The following PDSS2 variants were observed in gnomAD, a reference collection of about 807,000 sequenced individuals.
PDSS2 encodes all trans-polyprenyl-diphosphate synthase PDSS2.
PDSS2 carries 31 observed loss-of-function variants against 44.5 expected under a neutral mutation model. The observed-to-expected ratio is 0.70, with a 90% CI of 0.52 to 0.94. PDSS2 has a LOEUF of 0.94. Ranked by LOEUF, PDSS2 falls within the 40% of genes least tolerant of loss-of-function variation. The pLI is 0.00. For missense variants in PDSS2, 452 were observed against 482.2 expected, an observed-to-expected ratio of 0.94 and a Z score of 0.59; for synonymous variants, 157 against 180.3, an observed-to-expected ratio of 0.87 and a Z score of 1.03.
chr6:107,340,605 A>G (rs1778050843), intron 1 of PDSS2, among the ~76,000 whole-genome samples: 1 of 152,240 alleles, frequency 6.6e-6, no homozygotes, highest in Non-Finnish European at 1.5e-5. Context: ...GTTAAATTGA[A>G]TAATACAAGG....
intron 7 of PDSS2, among the ~76,000 whole-genome samples, chr6:107,171,639 T>C (rs1376184450): frequency 2.0e-5 from 3 of 152,032 alleles, no homozygotes; most frequent in Non-Finnish European, 4.4e-5. Flanking sequence ...GCCTTCCGAG[T>C]AGCTAGGGCT....
intron 1 of PDSS2, among the ~76,000 whole-genome samples, chr6:107,382,132 C>G (rs913836158): frequency 1.3e-5 from 2 of 152,234 alleles, no homozygotes; most frequent in Non-Finnish European, 2.9e-5. Context: ...TTTTCTCCAA[C>G]TAGAATATAA....
At position 107,377,192 on chromosome 6, in the gene PDSS2, G is replaced by GA. The variant is rs1404899354; in HGVS notation, c.297-42861dup. Reference sequence around the variant, plus strand: ...ACAATGAACTCCAACAAATTTACAAGAAAAAAACAAACAACCCCATCAAAA... The same window carrying GA: ...ACAATGAACTCCAACAAATTTACAAGAAAAAAAACAAACAACCCCATCAAAA... On this transcript the variant is annotated intron_variant, in intron 1 of 7. Coordinates refer to ENST00000369037, the MANE Select transcript of PDSS2 (RefSeq NM_020381.4). Among the ~76,000 whole-genome samples the GA allele has an allele frequency of 2.7e-5, 4 of 149,154 alleles. No homozygotes were observed. The East Asian group carries it at 8.2e-4, about 31-fold the overall frequency.
intron 7 of PDSS2, among the ~76,000 whole-genome samples, chr6:107,159,208 T>C (rs1554246268): frequency 6.7e-6 from 1 of 150,308 alleles, no homozygotes; most frequent in African/African-American, 2.5e-5. Flanking sequence ...CCCACCAAGA[T>C]CAAGTCTATT....
chr6:107,459,084 T>A lies in PDSS2; in HGVS notation c.202A>T (p.Ser68Cys), dbSNP rs768846122. The change falls in exon 1 of 8, where the codon AGC becomes TGC. Residue 68 changes from serine to cysteine, a missense_variant. Transcript: ENST00000369037. This position sits in a 1 kb window ranked among gnomAD's most constrained non-coding sequence, Gnocchi z 4.3. ...KIVGYPTSFM[S>C]LRCLLSDELS... Reference sequence around the variant, plus strand: ...TCGTCGCTCAGCAGGCAGCGAAGGCTCATGAAGGACGTGGGGTACCCCACG... The same window carrying A: ...TCGTCGCTCAGCAGGCAGCGAAGGCACATGAAGGACGTGGGGTACCCCACG... The A allele has an allele frequency of 1.9e-6, 3 of 1,614,002 alleles. No individual in the cohort carries two copies. The East Asian group carries it at 6.7e-5, about 36-fold the overall frequency.
rs142121038 is a variant in PDSS2, at chr6:107,350,188, C to T, written c.297-15856G>A. Among the ~76,000 whole-genome samples the T allele has an allele frequency of 4.6e-5, 7 of 152,250 alleles. No homozygotes were observed. In the East Asian group the frequency reaches 5.8e-4, roughly 13 times the overall value. On this transcript the variant is annotated intron_variant, in intron 1 of 7. Coordinates refer to ENST00000369037, the MANE Select transcript of PDSS2 (RefSeq NM_020381.4). ...CATGACAGCAGATTTCCACTTTGGC[C>T]GTCTGAGTAAGGTGATGTCTACCAG...
chr6:107,346,270 A>G (rs1396664950), intron 1 of PDSS2, among the ~76,000 whole-genome samples: 1 of 152,178 alleles, frequency 6.6e-6, no homozygotes, highest in Non-Finnish European at 1.5e-5. Flanking sequence ...CTCATTTACC[A>G]AATTGCCAGG....
At chr6:107,450,576 A>G (rs1015262870) in intron 1 of PDSS2, among the ~76,000 whole-genome samples, 1 of 152,218 alleles carries the variant, frequency 6.6e-6, no homozygotes, top group Non-Finnish European at 1.5e-5. Context: ...TTCCTCTAGA[A>G]AGAACACACA....
chr6:107,360,738 G>T (rs1778746835), intron 1 of PDSS2, among the ~76,000 whole-genome samples: 1 of 152,192 alleles, frequency 6.6e-6, no homozygotes, highest in African/African-American at 2.4e-5. Flanking sequence ...GAAGAGAGCG[G>T]TCTGTGTTTT....
At chr6:107,251,825 CTT>C (rs1252853120) in intron 3 of PDSS2, among the ~76,000 whole-genome samples, 6 of 152,094 alleles carry the variant, frequency 3.9e-5, no homozygotes, top group African/African-American at 1.2e-4. Flanking sequence ...TGGTGTCACT[CTT>C]TACTTCATAA....
intron 1 of PDSS2, among the ~76,000 whole-genome samples, chr6:107,353,585 C>T (rs1255982402): frequency 1.3e-5 from 2 of 151,926 alleles, no homozygotes; most frequent in Non-Finnish European, 2.9e-5. Context: ...CCTCTTCAGC[C>T]TTCTTTTGCT....
At chr6:107,176,270 G>T (rs750939464) in intron 7 of PDSS2, among the ~76,000 whole-genome samples, 2 of 152,162 alleles carry the variant, frequency 1.3e-5, no homozygotes, top group South Asian at 2.1e-4. Flanking sequence ...TCAAACTCCC[G>T]ACCTCAGGTG....
At chr6:107,329,651 T>C (rs1454572273) in intron 2 of PDSS2, among the ~76,000 whole-genome samples, 1 of 152,204 alleles carries the variant, frequency 6.6e-6, no homozygotes, top group Non-Finnish European at 1.5e-5. Flanking sequence ...TGTGAGGTAC[T>C]AGGGGTTAGG....
chr6:107,255,887 CAAGAT>C (rs1449234721), intron 3 of PDSS2, among the ~76,000 whole-genome samples: 1 of 152,048 alleles, frequency 6.6e-6, no homozygotes, highest in African/African-American at 2.4e-5. Context: ...AACAGAGAGG[CAAGAT>C]AAAACAGAAT....
intron 2 of PDSS2, among the ~76,000 whole-genome samples, chr6:107,304,392 C>G (rs189983104): frequency 6.6e-6 from 1 of 152,228 alleles, no homozygotes; most frequent in Non-Finnish European, 1.5e-5. Flanking sequence ...CTCTTATATA[C>G]GTAACGCTTT....
At chr6:107,452,212 T>C (rs943111762) in intron 1 of PDSS2, among the ~76,000 whole-genome samples, 4 of 150,808 alleles carry the variant, frequency 2.7e-5, no homozygotes, top group African/African-American at 9.8e-5. Flanking sequence ...ATTTTCTAAT[T>C]GTATTGTTTG....
In PDSS2 at chr6:107,360,769, C is replaced by T. The variant is rs1403359317; in HGVS notation, c.297-26437G>A. 3.3e-5 allele frequency among the ~76,000 whole-genome samples: 5 copies of T among 152,196 alleles called. No homozygotes were observed. The East Asian group carries it at 9.6e-4, about 29-fold the overall frequency. On this transcript the variant is annotated intron_variant, in intron 1 of 7. Transcript: ENST00000369037. ...GTTTTCACAAAGGGATGCCTACAGG[C>T]TGAAAAGTTCTGTTATTACTGTTTT...
chr6:107,264,439 T>C (rs1157421108), intron 3 of PDSS2: 3 of 1,549,556 alleles, frequency 1.9e-6, no homozygotes, highest in Non-Finnish European at 2.6e-6. Flanking sequence ...TGCTCTTGGG[T>C]GTTTAGACAA....
intron 3 of PDSS2, among the ~76,000 whole-genome samples, chr6:107,247,297 A>C (rs1219848382): frequency 6.6e-6 from 1 of 152,246 alleles, no homozygotes; most frequent in Non-Finnish European, 1.5e-5. Flanking sequence ...GCTAAATGTC[A>C]AAATGATGGC....
Sources: gnomAD v4.1 joint callset for allele counts (sites outside exome capture counted in the v4.1 genomes callset) on GRCh38, gnomAD v4.1.1 for gene constraint, Gnocchi (gnomAD v3.1) non-coding constraint, MANE v1.5 for transcripts, NCBI Gene and HGNC (gene_info 2026-07-23, HGNC 2026-07-21) for gene names.